The following GARNL3 variants were observed in gnomAD, a reference collection of about 807,000 sequenced individuals.
GARNL3 encodes GTPase-activating Rap/Ran-GAP domain-like protein 3.
In GARNL3, 63 loss-of-function variants were observed where a neutral mutation model predicts 125.0. The ratio of observed to expected loss-of-function variants is 0.50; its 90% CI spans 0.41 to 0.62. The LOEUF (loss-of-function observed/expected upper bound fraction) is 0.62, where lower values mean the gene tolerates loss of function less well. Among genes scored for constraint, GARNL3 ranks in the 20% least tolerant of loss-of-function variants. The pLI is 0.00. For missense variants in GARNL3, 994 were observed against 1,244.0 expected (o/e 0.80, Z 3.02); for synonymous variants, 439 against 457.5 (o/e 0.96, Z 0.52).
At chr9:127,244,897 G>C (rs1390908295) in intron 2 of GARNL3, among the ~76,000 whole-genome samples, 1 of 152,176 alleles carries the variant, frequency 6.6e-6, no homozygotes, top group African/African-American at 2.4e-5. Flanking sequence ...TCCTTGATCT[G>C]AAATGGGAAT....
intron 2 of GARNL3, among the ~76,000 whole-genome samples, chr9:127,245,175 G>A (rs2063276855): frequency 6.6e-6 from 1 of 152,246 alleles, no homozygotes; most frequent in East Asian, 1.9e-4. Context: ...GAGCTGGCCC[G>A]CTGCCTTTCC....
At chr9:127,337,251 C>T (rs1829603811) in intron 11 of GARNL3, among the ~76,000 whole-genome samples, 1 of 151,858 alleles carries the variant, frequency 6.6e-6, no homozygotes, top group Admixed American at 6.6e-5. Flanking sequence ...AGAGGTGGTT[C>T]TTCTTGTATA....
chr9:127,224,916 GTGGGC>G (rs2062871862), intron 1 of GARNL3, among the ~76,000 whole-genome samples: 1 of 62,372 alleles, frequency 1.6e-5, no homozygotes, highest in South Asian at 7.6e-4. Flanking sequence ...GGGGCGGGGC[GTGGGC>G]GGGGCGTGGG....
intron 10 of GARNL3, among the ~76,000 whole-genome samples, chr9:127,335,926 A>G (rs909878192): frequency 6.6e-6 from 1 of 152,182 alleles, no homozygotes; most frequent in Non-Finnish European, 1.5e-5. Context: ...GAGCTTGGCC[A>G]CTGAGACAGG....
At chr9:127,304,833 G>A (rs1408789208) in intron 2 of GARNL3, among the ~76,000 whole-genome samples, 1 of 151,952 alleles carries the variant, frequency 6.6e-6, no homozygotes, top group African/African-American at 2.4e-5. Flanking sequence ...CACCAAGCCC[G>A]GCCAGTGGCT....
rs570770448 is a variant in GARNL3, at chr9:127,287,660, C to T, written c.145-3508C>T. ...ACTCTGTGCTGGCCCTGAGTGTGAC[C>T]AGTAGGATCTCCTGCCCACCTACTG... On this transcript the variant is annotated intron_variant, in intron 1 of 27. Transcript: ENST00000373387. 2.0e-5 allele frequency among the ~76,000 whole-genome samples: 3 copies of T among 152,328 alleles called. No homozygotes were observed. In the South Asian group the frequency reaches 6.2e-4, roughly 32 times the overall value.
At chr9:127,345,990 A>G (rs71497650) in intron 16 of GARNL3, among the ~76,000 whole-genome samples, 339 of 152,326 alleles carry the variant, frequency 2.2e-3, no homozygotes, top group Non-Finnish European at 3.3e-3. Flanking sequence ...GAAAGTTTGC[A>G]TCTCTAATGG....
chr9:127,269,922 GA>G (rs2063785209), intron 1 of GARNL3, among the ~76,000 whole-genome samples: 1 of 151,928 alleles, frequency 6.6e-6, no homozygotes, highest in African/African-American at 2.4e-5. Flanking sequence ...TTAATGCACA[GA>G]AGTTTTTAAT....
At chr9:127,379,079 A>G (rs1472189727) in intron 22 of GARNL3, among the ~76,000 whole-genome samples, 2 of 152,196 alleles carry the variant, frequency 1.3e-5, no homozygotes, top group Non-Finnish European at 2.9e-5. Flanking sequence ...AGCCCGGACA[A>G]CAGTGATTTA....
chr9:127,355,258 G>A (rs746173940), intron 19 of GARNL3, 39 bp from the exon 20 acceptor site: 14 of 1,584,772 alleles, frequency 8.8e-6, no homozygotes, highest in African/African-American at 2.7e-5. Context: ...TTCCACACCC[G>A]CATGTCATGT....
intron 7 of GARNL3, among the ~76,000 whole-genome samples, chr9:127,328,559 C>T (rs1441870026): frequency 6.6e-6 from 1 of 152,112 alleles, no homozygotes; most frequent in Non-Finnish European, 1.5e-5. Flanking sequence ...CATGGCATCC[C>T]AAGCTGTACT....
Position 127,391,128 on chromosome 9 carries a change from T to TAA in GARNL3, c.2870+362_2870+363insAA, listed in dbSNP as rs1433538815. ...GGTGAAACCCCATCTCTACTAAAAA[T>TAA]ACAAAAAGTAGCCGGGCGTGGTGGC... On this transcript the variant is annotated intron_variant, in intron 27 of 27. Coordinates refer to ENST00000373387, the MANE Select transcript of GARNL3 (RefSeq NM_032293.5). Among the ~76,000 whole-genome samples, 8 of 151,510 alleles carry TAA rather than the reference T, an allele frequency of 5.3e-5. No individual in the cohort carries two copies. In the South Asian group the frequency reaches 1.7e-3, roughly 32 times the overall value.
At chr9:127,347,784 C>G (rs952849453) in intron 16 of GARNL3, among the ~76,000 whole-genome samples, 11 of 152,126 alleles carry the variant, frequency 7.2e-5, no homozygotes, top group Admixed American at 5.2e-4. Context: ...CTTGTTTAGC[C>G]TTTTTTCCAT....
chr9:127,325,843 C>T lies in GARNL3; in HGVS notation c.594+748C>T, dbSNP rs140635936. ...CTCTTTTCCTGGCTTCCACTCTCAC[C>T]CTCTCTTCTGGTTTCCAGATAGTAG... is the stretch of plus-strand genomic sequence containing the variant. On this transcript the variant is annotated intron_variant, in intron 7 of 27. Transcript: ENST00000373387. Among the ~76,000 whole-genome samples, 762 of 152,310 alleles carry T rather than the reference C, an allele frequency of 5.0e-3. 3 individuals carry two copies. Among genetic ancestry groups the T allele is most frequent in the Middle Eastern group, 0.017 (5 of 294 alleles).
chr9:127,298,841 T>TTA (rs2064689811), intron 2 of GARNL3, among the ~76,000 whole-genome samples: 1 of 152,116 alleles, frequency 6.6e-6, no homozygotes, highest in Non-Finnish European at 1.5e-5. Flanking sequence ...AACCACAAAT[T>TTA]TATTAGATTC....
intron 21 of GARNL3, among the ~76,000 whole-genome samples, chr9:127,359,806 A>G (rs1830888126): frequency 6.6e-6 from 1 of 152,122 alleles, no homozygotes; most frequent in Non-Finnish European, 1.5e-5. Context: ...TTATTTACCT[A>G]TATTTAATGT....
upstream of GARNL3, among the ~76,000 whole-genome samples, chr9:127,261,891 T>C (rs778820444): frequency 1.3e-4 from 20 of 152,172 alleles, no homozygotes; most frequent in Non-Finnish European, 2.2e-4. Context: ...CCTCCAATTC[T>C]TTCCTGGGAT....
intron 1 of GARNL3, among the ~76,000 whole-genome samples, chr9:127,267,798 A>C (rs1282903879): frequency 6.6e-6 from 1 of 152,206 alleles, no homozygotes; most frequent in Non-Finnish European, 1.5e-5. Flanking sequence ...TGTGATGAAA[A>C]TTGTTGGGAA....
intron 1 of GARNL3, chr9:127,224,786 T>G: frequency 6.8e-6 from 1 of 146,052 alleles, no homozygotes; most frequent in African/African-American, 2.6e-5. Flanking sequence ...AGGGGTGGGG[T>G]CGTGGACGGG....
Sources: allele counts gnomAD v4.1 joint callset (sites outside exome capture counted in the v4.1 genomes callset), GRCh38; gene constraint gnomAD v4.1.1; transcripts MANE v1.5; gene names NCBI Gene and HGNC (gene_info 2026-07-23, HGNC 2026-07-21).